The following IPO5 variants were observed in gnomAD, a reference collection of about 807,000 sequenced individuals.
IPO5 encodes importin 5, also known as importin-5.
IPO5 carries 18 observed loss-of-function variants against 143.3 expected under a neutral mutation model. The ratio of observed to expected loss-of-function variants is 0.13; its 90% CI spans 0.09 to 0.19. IPO5 has a LOEUF of 0.19. IPO5 is among the 10% of genes least tolerant of loss of function. IPO5 has a pLI of 1.00. For synonymous variants in IPO5, 477 were observed against 465.7 expected (o/e 1.02, Z -0.31); for missense variants, 1,013 against 1,336.9 (o/e 0.76, Z 3.78).
chr13:97,966,753 A>G (rs1298056214), intron 2 of IPO5, among the ~76,000 whole-genome samples: 1 of 152,140 alleles, frequency 6.6e-6, no homozygotes, highest in Non-Finnish European at 1.5e-5. Flanking sequence ...AAAATTACTA[A>G]TTCAGCTGGG....
intron 12 of IPO5, among the ~76,000 whole-genome samples, chr13:97,999,596 T>C (rs1566528709): frequency 6.6e-6 from 1 of 152,234 alleles, no homozygotes; most frequent in Non-Finnish European, 1.5e-5. Context: ...GTTTCATTTT[T>C]ATAGTATTGT....
rs754483048 is a variant in IPO5, at chr13:97,985,450, A to T, written c.201A>T (p.Arg67Ser). Residue 67 changes from arginine (R) to serine (S), a missense_variant, in exon 6 of 29, where the codon AGA becomes AGT. By Grantham distance (110) the Arg-to-Ser change is moderately radical. Transcript: ENST00000651721. Reference sequence around the variant, plus strand: ...GACAAATGGCCGCCGTTCTCCTAAGACGTCTCTTGTCCTCTGCATTTGATG... The same window carrying T: ...GACAAATGGCCGCCGTTCTCCTAAGTCGTCTCTTGTCCTCTGCATTTGATG... Reference protein sequence around the residue: ...EARQMAAVLLRRLLSSAFDEV... With the variant: ...EARQMAAVLLSRLLSSAFDEV... 1.9e-6 allele frequency: 3 copies of T among 1,614,098 alleles called. No homozygotes were observed. Among genetic ancestry groups the T allele is most frequent in the Non-Finnish European group, 2.5e-6 (3 of 1,180,010 alleles).
Position 97,973,825 on chromosome 13 carries a change from T to C in IPO5, c.-4-2868T>C, listed in dbSNP as rs115056710. On this transcript the variant is annotated intron_variant, in intron 3 of 28. Coordinates refer to ENST00000651721, the MANE Select transcript of IPO5 (RefSeq NM_002271.6). Reference sequence around the variant, plus strand: ...TGGCGGAGGCCTGTAATCCTAGCACTTTGGGAGGCCAAAGTGGGAGGATCG... The same window carrying C: ...TGGCGGAGGCCTGTAATCCTAGCACCTTGGGAGGCCAAAGTGGGAGGATCG... Among the ~76,000 whole-genome samples, 989 of 152,242 alleles carry C rather than the reference T, an allele frequency of 6.5e-3. 11 individuals are homozygous for C. Among genetic ancestry groups the C allele is most frequent in the African/African-American group, 0.022 (909 of 41,530 alleles).
chr13:97,964,395 T>C (rs1885130438), intron 2 of IPO5, among the ~76,000 whole-genome samples: 1 of 151,932 alleles, frequency 6.6e-6, no homozygotes, highest in Non-Finnish European at 1.5e-5. Context: ...TGGGTCCAGT[T>C]TGTGTTTTCT....
At position 97,988,979 on chromosome 13, in the gene IPO5, G is replaced by A. The variant is rs1023406443; in HGVS notation, c.365-83G>A. ...TTTTCACTACTCCAGGTTTGAATGA[G>A]GCTTATGAAATGAAAGGATTTACTC... On this transcript the variant is annotated intron_variant, in intron 6 of 28. Transcript: ENST00000651721. 7 of 725,676 alleles carry A rather than the reference G, an allele frequency of 9.6e-6. No individual in the cohort carries two copies. The Admixed American group carries it at 1.7e-4, about 17-fold the overall frequency. 45.0% of individuals were successfully genotyped at this position (725,676 alleles called of 1,614,324 possible). A position where few individuals can be genotyped will look rare whatever the true frequency, so the allele number is the denominator to read the frequency against.
In IPO5 at chr13:98,024,084, C is replaced by G. The variant is rs928073481; in HGVS notation, c.*2262C>G. The G allele has an allele frequency of 2.0e-5, 3 of 152,076 alleles. No homozygotes were observed. Among genetic ancestry groups the G allele is most frequent in the African/African-American group, 7.2e-5 (3 of 41,404 alleles). 9.4% of individuals were successfully genotyped at this position (152,076 alleles called of 1,614,324 possible). On this transcript the variant is annotated 3_prime_UTR_variant, in exon 29 of 29. Transcript: ENST00000651721. ...AAAATGTGTGTGGCTCTTACGTTTTCTGGGAATTTTGTAACAAGTTACACG... is the reference window on the plus strand; with the variant it reads ...AAAATGTGTGTGGCTCTTACGTTTTGTGGGAATTTTGTAACAAGTTACACG...
chr13:98,000,020 C>G (rs748459179), intron 12 of IPO5, among the ~76,000 whole-genome samples: 2 of 152,158 alleles, frequency 1.3e-5, no homozygotes, highest in African/African-American at 4.8e-5. Context: ...CACAGTGGCT[C>G]ACGCCTGTAA....
At chr13:97,995,179 GT>G (rs200248504) in intron 11 of IPO5, among the ~76,000 whole-genome samples, 205 of 131,664 alleles carry the variant, frequency 1.6e-3, no homozygotes, top group Admixed American at 4.1e-3. Context: ...TTCTTTCTTT[GT>G]TTTTTTTTTT....
At chr13:98,006,445 G>A in intron 17 of IPO5, 97 bp downstream of exon 17, 3 of 711,724 alleles carry the variant, frequency 4.2e-6, no homozygotes, top group Non-Finnish European at 6.4e-6. Flanking sequence ...CACGATCTCG[G>A]CTCACTGCAA....
intron 26 of IPO5, among the ~76,000 whole-genome samples, chr13:98,019,186 T>C (rs1890317096): frequency 6.6e-6 from 1 of 152,154 alleles, no homozygotes; most frequent in African/African-American, 2.4e-5. Context: ...TCTCCTGACC[T>C]CGTGATCGGC....
At chr13:97,979,338 A>G (rs1886651277) in intron 4 of IPO5, among the ~76,000 whole-genome samples, 1 of 152,218 alleles carries the variant, frequency 6.6e-6, no homozygotes, top group South Asian at 2.1e-4. Context: ...AAATCATTGA[A>G]GAGACGTCAA....
chr13:97,984,755 T>G (rs1170123486), intron 5 of IPO5, among the ~76,000 whole-genome samples: 1 of 152,220 alleles, frequency 6.6e-6, no homozygotes, highest in Non-Finnish European at 1.5e-5. Flanking sequence ...AAAGATTAGG[T>G]TCAATATTCC....
rs746075666 is a variant in IPO5, at chr13:98,019,782, T to G, written c.3038T>G (p.Phe1013Cys). The G allele has an allele frequency of 8.1e-6, 13 of 1,613,156 alleles. No individual in the cohort carries two copies. The highest frequency in any genetic ancestry group is 2.2e-5 in the South Asian group (2 of 91,062). Residue 1013 changes from phenylalanine (F) to cysteine (C), a missense_variant, in exon 27 of 29, where the codon TTC (phenylalanine) becomes TGC (cysteine). Coordinates refer to ENST00000651721, the MANE Select transcript of IPO5 (RefSeq NM_002271.6). ...HEDKEEAVQT[F>C]NYLCDLIESN... ...GATAAAGAAGAAGCTGTTCAGACTT[T>G]CAATTATCTGTGTGACCTGATTGAA...
At position 98,016,870 on chromosome 13, in the gene IPO5, A is replaced by T; in HGVS notation, c.2616+19A>T. On this transcript the variant is annotated intron_variant, in intron 25 of 28. Coordinates refer to ENST00000651721, the MANE Select transcript of IPO5 (RefSeq NM_002271.6). Reference sequence around the variant, plus strand: ...CCTCATTGTAAGTGTTACCTCTCTTAATAGTTGTTTTGCGTAGTTTACCTG... The same window carrying T: ...CCTCATTGTAAGTGTTACCTCTCTTTATAGTTGTTTTGCGTAGTTTACCTG... 6.7e-7 allele frequency: 1 copy of T among 1,502,328 alleles called. No homozygotes were observed. The highest frequency in any genetic ancestry group is 8.8e-7 in the Non-Finnish European group (1 of 1,129,950). The allele number at this position is 1,502,328 out of a possible 1,614,324, so 93.1% of individuals were successfully genotyped here.
rs1479568511 is a variant in IPO5 at position 98,021,137 on chromosome 13, AGCTGATTTG to A, written c.3207+6_3207+14del. The stretch of plus-strand genomic sequence containing the variant: ...CAATGTCGTTCGCCAAGTACAGGTA[AGCTGATTTG>A]GTTGAATTGGGGAGGGGGAGATAAA... On this transcript the variant is annotated splice_donor_5th_base_variant and intron_variant, in intron 28 of 28. Coordinates refer to ENST00000651721, the MANE Select transcript of IPO5 (RefSeq NM_002271.6). The A allele has an allele frequency of 3.1e-6, 5 of 1,591,964 alleles. No individual in the cohort carries two copies. The highest frequency in any genetic ancestry group is 4.3e-6 in the Non-Finnish European group (5 of 1,172,310).
In IPO5 at chr13:98,003,051, T is replaced by C. The variant is rs1423234095; in HGVS notation, c.1497+14T>C. The stretch of plus-strand genomic sequence containing the variant: ...AAGCTTCAAGAGGTAAGTTTTAAGA[T>C]CTGTAGGCTGCTTTCTGTTTGTAGA... On this transcript the variant is annotated intron_variant, in intron 16 of 28. Transcript: ENST00000651721. The C allele has an allele frequency of 6.3e-7, 1 of 1,585,394 alleles. No individual in the cohort carries two copies. Among genetic ancestry groups the C allele is most frequent in the Non-Finnish European group, 8.6e-7 (1 of 1,165,862 alleles).
At chr13:97,986,504 C>T (rs1594068988) in intron 6 of IPO5, among the ~76,000 whole-genome samples, 2 of 152,112 alleles carry the variant, frequency 1.3e-5, no homozygotes, top group South Asian at 2.1e-4. Flanking sequence ...TACAGGCATG[C>T]GCCACCACAC....
In IPO5 at chr13:98,015,621, A is replaced by G; in HGVS notation, c.2417A>G (p.Lys806Arg). The G allele has an allele frequency of 6.2e-7, 1 of 1,609,384 alleles. No homozygotes were observed. The highest frequency in any genetic ancestry group is 8.5e-7 in the Non-Finnish European group (1 of 1,176,776). The part of the protein sequence containing the change: ...ILKAKLEEHF[K>R]NQELRQVKRQ... ...AAAGCAAAGCTTGAAGAACATTTTAAAAATCAAGAATTACGACAAGGTAAG... is the reference window on the plus strand; with the variant it reads ...AAAGCAAAGCTTGAAGAACATTTTAGAAATCAAGAATTACGACAAGGTAAG... The change falls in exon 23 of 29, where the codon AAA becomes AGA. Residue 806 changes from lysine to arginine, a missense_variant. Physicochemically the swap from Lys to Arg is conservative, Grantham distance 26. Transcript: ENST00000651721.
intron 26 of IPO5, 108 bp downstream of exon 26, chr13:98,018,812 G>C: frequency 1.3e-6 from 1 of 754,446 alleles, no homozygotes; most frequent in Non-Finnish European, 2.2e-6. Flanking sequence ...TTCTGCTGTA[G>C]TCTGTTTTCA....
Sources: allele counts gnomAD v4.1 joint callset (sites outside exome capture counted in the v4.1 genomes callset), GRCh38; gene constraint gnomAD v4.1.1; transcripts MANE v1.5; gene names NCBI Gene and HGNC (gene_info 2026-07-23, HGNC 2026-07-21).